Variants in THSD7B observed in about 807,000 individuals in gnomAD.
The protein encoded by THSD7B is thrombospondin type 1 domain containing 7B.
Under a neutral mutation model 213.6 loss-of-function variants are expected in THSD7B, and 138 were observed. The ratio of observed to expected loss-of-function variants is 0.65; its 90% CI spans 0.56 to 0.74. The LOEUF (loss-of-function observed/expected upper bound fraction) is 0.74. Among genes scored for constraint, THSD7B ranks in the 30% least tolerant of loss-of-function variants. The pLI is 0.00. For missense variants in THSD7B, 1,931 were observed against 1,991.5 expected, an observed-to-expected ratio of 0.97 and a Z score of 0.58; for synonymous variants, 742 against 687.0, an observed-to-expected ratio of 1.08 and a Z score of -1.25.
At chr2:137,251,155 A>G (rs1245531354) in intron 10 of THSD7B, among the ~76,000 whole-genome samples, 1 of 152,158 alleles carries the variant, frequency 6.6e-6, no homozygotes, top group African/African-American at 2.4e-5. Flanking sequence ...GCTTAAGCAA[A>G]CCTAGCAAAC....
intron 3 of THSD7B, among the ~76,000 whole-genome samples, chr2:137,062,737 C>T (rs1373039034): frequency 6.6e-6 from 1 of 151,680 alleles, no homozygotes; most frequent in Non-Finnish European, 1.5e-5. Flanking sequence ...TATGGCTTAT[C>T]TTGAATATTT....
intron 5 of THSD7B, among the ~76,000 whole-genome samples, chr2:137,139,695 T>G (rs1041533446): frequency 6.6e-6 from 1 of 152,152 alleles, no homozygotes; most frequent in African/African-American, 2.4e-5. Flanking sequence ...GACTGCCTTT[T>G]GATTGATGTA....
chr2:136,782,302 G>T (rs780387004), intron 1 of THSD7B, among the ~76,000 whole-genome samples: 2 of 152,104 alleles, frequency 1.3e-5, no homozygotes, highest in Non-Finnish European at 2.9e-5. Context: ...CAGGGTTCTA[G>T]GTCTCTCTTG....
chr2:137,088,961 TA>T (rs1164707422), intron 3 of THSD7B, among the ~76,000 whole-genome samples: 2 of 151,634 alleles, frequency 1.3e-5, no homozygotes, highest in Non-Finnish European at 2.9e-5. Flanking sequence ...AATAAAAAAA[TA>T]AAAAAAATTA....
At chr2:137,468,771 A>T (rs1688040421) in intron 15 of THSD7B, among the ~76,000 whole-genome samples, 1 of 152,088 alleles carries the variant, frequency 6.6e-6, no homozygotes, top group South Asian at 2.1e-4. Flanking sequence ...TTTTGGCCTT[A>T]TATGAACTTC....
In THSD7B at chr2:137,251,387, G is replaced by C. The variant is rs115074844; in HGVS notation, c.2266+8815G>C. Among the ~76,000 whole-genome samples, 366 of 152,190 alleles carry C rather than the reference G, an allele frequency of 2.4e-3. 2 individuals are homozygous for C. The highest frequency in any genetic ancestry group is 8.5e-3 in the African/African-American group (354 of 41,522). On this transcript the variant is annotated intron_variant, in intron 10 of 27. Transcript: ENST00000409968. ...TGTTTGTTCATTCATTTGTCTGTCA[G>C]TCTGTCTATTATCTGTAATGAAGTT...
intron 17 of THSD7B, among the ~76,000 whole-genome samples, chr2:137,600,857 C>A (rs1387114503): frequency 6.6e-6 from 1 of 152,152 alleles, no homozygotes; most frequent in African/African-American, 2.4e-5. Context: ...CATGTTATTG[C>A]CCCTGAAGAC....
At chr2:137,575,719 A>AACACAC (rs1553461200) in intron 17 of THSD7B, among the ~76,000 whole-genome samples, 1,677 of 136,472 alleles carry the variant, frequency 0.012, 24 homozygotes, top group South Asian at 0.049. Context: ...TTATTCCCAT[A>AACACAC]ACACACATAT....
At chr2:137,464,114 T>C (rs959405842) in intron 15 of THSD7B, among the ~76,000 whole-genome samples, 1 of 152,020 alleles carries the variant, frequency 6.6e-6, no homozygotes, top group Admixed American at 6.6e-5. Context: ...TAGATAACTG[T>C]TTTTTTAACC....
At chr2:137,673,652 C>T (rs1263635529) in intron 27 of THSD7B, among the ~76,000 whole-genome samples, 1 of 152,180 alleles carries the variant, frequency 6.6e-6, no homozygotes, top group African/African-American at 2.4e-5. Context: ...TTGCTGGCCT[C>T]CTCAGTGTTG....
At chr2:137,602,550 G>A (rs1364866151) in intron 17 of THSD7B, among the ~76,000 whole-genome samples, 1 of 152,152 alleles carries the variant, frequency 6.6e-6, no homozygotes, top group African/African-American at 2.4e-5. Flanking sequence ...TTACAGGCGT[G>A]AGCCACCGCG....
intron 1 of THSD7B, among the ~76,000 whole-genome samples, chr2:136,879,039 T>A (rs1482956311): frequency 1.3e-5 from 2 of 152,240 alleles, no homozygotes; most frequent in African/African-American, 2.4e-5. Flanking sequence ...CTAGGGTTTT[T>A]ATGGTTTTAG....
At chr2:137,538,428 G>A (rs1680546677) in intron 15 of THSD7B, 2 of 496,034 alleles carry the variant, frequency 4.0e-6, no homozygotes, top group Admixed American at 4.4e-5. Flanking sequence ...TTCCACTAAT[G>A]CATATATAAT....
At chr2:137,555,418 T>A (rs1322549419) in intron 15 of THSD7B, among the ~76,000 whole-genome samples, 1 of 152,204 alleles carries the variant, frequency 6.6e-6, no homozygotes. Flanking sequence ...CTGCTGCTGA[T>A]ACCCAGGCAA....
At chr2:137,402,388 T>C (rs1047253536) in intron 12 of THSD7B, among the ~76,000 whole-genome samples, 24 of 152,224 alleles carry the variant, frequency 1.6e-4, no homozygotes, top group African/African-American at 5.3e-4. Flanking sequence ...AAATGCAGTG[T>C]ATTCTAATTT....
chr2:137,322,231 G>A (rs1684277785), intron 12 of THSD7B, among the ~76,000 whole-genome samples: 1 of 152,152 alleles, frequency 6.6e-6, no homozygotes, highest in South Asian at 2.1e-4. Flanking sequence ...CTTTTACAAA[G>A]TTGCAAATCA....
intron 2 of THSD7B, among the ~76,000 whole-genome samples, chr2:136,924,564 T>C (rs1486080498): frequency 6.6e-6 from 1 of 152,220 alleles, no homozygotes; most frequent in Non-Finnish European, 1.5e-5. Flanking sequence ...GCTAATGCTA[T>C]GCTATTTTAA....
At chr2:137,585,230 T>C (rs185960293) in intron 17 of THSD7B, among the ~76,000 whole-genome samples, 13 of 152,272 alleles carry the variant, frequency 8.5e-5, no homozygotes, top group Admixed American at 5.2e-4. Context: ...TCTTCTCTCT[T>C]TTTTTCTTTA....
chr2:137,556,714 G>A (rs1336130159), intron 15 of THSD7B, among the ~76,000 whole-genome samples: 1 of 152,116 alleles, frequency 6.6e-6, no homozygotes, highest in Non-Finnish European at 1.5e-5. Context: ...AAATGTAAAT[G>A]GGCTAAATGC....
Sources: gnomAD v4.1 joint callset for allele counts (sites outside exome capture counted in the v4.1 genomes callset) on GRCh38, gnomAD v4.1.1 for gene constraint, MANE v1.5 for transcripts, NCBI Gene and HGNC (gene_info 2026-07-23, HGNC 2026-07-21) for gene names.